Variants in BBS9 observed in about 807,000 individuals in gnomAD.
The protein encoded by BBS9 is protein PTHB1.
In BBS9, 89 loss-of-function variants were observed where a neutral mutation model predicts 117.7. The ratio of observed to expected loss-of-function variants is 0.76; its 90% CI spans 0.64 to 0.90. The LOEUF is 0.90. BBS9 is among the 40% of genes least tolerant of loss of function. The pLI, the probability that BBS9 is intolerant of heterozygous loss-of-function variation, is 0.00. For synonymous variants in BBS9, 379 were observed against 370.9 expected (o/e 1.02, Z -0.25); for missense variants, 982 against 1,042.2 (o/e 0.94, Z 0.80).
At chr7:33,593,424 G>T (rs528105277) in intron 21 of BBS9, among the ~76,000 whole-genome samples, 3 of 152,050 alleles carry the variant, frequency 2.0e-5, no homozygotes, top group Admixed American at 6.6e-5. Flanking sequence ...TTTTGTTTTG[G>T]TTTTTTAGGT....
intron 4 of BBS9, among the ~76,000 whole-genome samples, chr7:33,173,152 T>C (rs973223740): frequency 3.9e-5 from 6 of 152,234 alleles, no homozygotes; most frequent in Non-Finnish European, 4.4e-5. Context: ...GCATCCTCTA[T>C]GCCTGGACTC....
intron 19 of BBS9, among the ~76,000 whole-genome samples, chr7:33,399,854 A>T (rs1193973605): frequency 6.6e-6 from 1 of 152,148 alleles, no homozygotes; most frequent in Non-Finnish European, 1.5e-5. Context: ...GGTTCCCTGG[A>T]TTTAGGTATG....
intron 21 of BBS9, among the ~76,000 whole-genome samples, chr7:33,553,763 CAG>C (rs1241491980): frequency 6.6e-6 from 1 of 152,026 alleles, no homozygotes; most frequent in African/African-American, 2.4e-5. Flanking sequence ...AAAAGTTTAA[CAG>C]ATTTTTTTAA....
At chr7:33,182,086 CAAACA>C (rs147523817) in intron 5 of BBS9, among the ~76,000 whole-genome samples, 22,153 of 151,732 alleles carry the variant, frequency 0.15, 1,880 homozygotes, top group South Asian at 0.21. Flanking sequence ...GACTCCGTCT[CAAACA>C]AAACAAAACA....
chr7:33,418,753 G>A (rs538008665), intron 19 of BBS9, among the ~76,000 whole-genome samples: 18 of 152,268 alleles, frequency 1.2e-4, no homozygotes, highest in African/African-American at 3.9e-4. Context: ...CCAGTCTAGC[G>A]TAGTGTTGAG....
intron 5 of BBS9, among the ~76,000 whole-genome samples, chr7:33,181,858 C>G (rs895921623): frequency 2.6e-5 from 4 of 152,126 alleles, no homozygotes; most frequent in Admixed American, 6.6e-5. Context: ...CCGAGGCAGG[C>G]GGATCACGAG....
intron 19 of BBS9, among the ~76,000 whole-genome samples, chr7:33,413,030 GAA>G (rs2128828249): frequency 6.6e-6 from 1 of 152,268 alleles, no homozygotes; most frequent in South Asian, 2.1e-4. Context: ...TCACGACCTA[GAA>G]AAAGAGTCAT....
intron 5 of BBS9, chr7:33,243,016 T>G: frequency 3.9e-6 from 2 of 517,762 alleles, no homozygotes; most frequent in Non-Finnish European, 7.7e-6. Flanking sequence ...CAATAATTCT[T>G]GACGTTCCCA....
intron 19 of BBS9, among the ~76,000 whole-genome samples, chr7:33,402,173 A>G (rs1829024322): frequency 6.6e-6 from 1 of 152,072 alleles, no homozygotes; most frequent in Admixed American, 6.6e-5. Flanking sequence ...ATTTGTTTGT[A>G]TTTGTCTTAT....
At chr7:33,245,428 T>C (rs1430142218) in intron 5 of BBS9, among the ~76,000 whole-genome samples, 1 of 152,180 alleles carries the variant, frequency 6.6e-6, no homozygotes, top group Non-Finnish European at 1.5e-5. Context: ...TACTAAACTC[T>C]GTAATAATTT....
chr7:33,625,340 C>G (rs1378686966), intron 21 of BBS9, among the ~76,000 whole-genome samples: 1 of 152,056 alleles, frequency 6.6e-6, no homozygotes, highest in Non-Finnish European at 1.5e-5. Context: ...GCCCTGAATT[C>G]TACTCATATT....
In BBS9 at chr7:33,204,943, T is replaced by C. The variant is rs568357463; in HGVS notation, c.442+27352T>C. ...GGTTGGTCACAATTCTTTACTTTTA[T>C]ACCCAAAAGGATTTAAGTCTTTAGT... On this transcript the variant is annotated intron_variant, in intron 5 of 22. Coordinates refer to ENST00000242067, the MANE Select transcript of BBS9 (RefSeq NM_198428.3). 1.6e-4 allele frequency among the ~76,000 whole-genome samples: 24 copies of C among 152,330 alleles called. No individual in the cohort carries two copies. The South Asian group carries it at 1.7e-3, about 11-fold the overall frequency.
intron 4 of BBS9, among the ~76,000 whole-genome samples, chr7:33,163,421 G>T (rs1184548488): frequency 6.6e-6 from 1 of 152,130 alleles, no homozygotes; most frequent in African/African-American, 2.4e-5. Flanking sequence ...CCTCCTCTTT[G>T]TACCTCTGGT....
chr7:33,531,468 C>T (rs1278203317), intron 20 of BBS9, among the ~76,000 whole-genome samples: 5 of 152,064 alleles, frequency 3.3e-5, no homozygotes, highest in Admixed American at 3.3e-4. Flanking sequence ...AGCCGCAGCC[C>T]AGTGTTTTGG....
chr7:33,415,245 T>C (rs903749648), intron 19 of BBS9, among the ~76,000 whole-genome samples: 2 of 152,158 alleles, frequency 1.3e-5, no homozygotes, highest in African/African-American at 4.8e-5. Flanking sequence ...CAGTATAAAG[T>C]ACTGTGGGTA....
chr7:33,602,487 G>C (rs540763207), intron 21 of BBS9, among the ~76,000 whole-genome samples: 7 of 152,278 alleles, frequency 4.6e-5, no homozygotes, highest in African/African-American at 1.7e-4. Context: ...CCAGCACTTT[G>C]GGAGGCTGAG....
In BBS9 at chr7:33,438,527, C is replaced by G. The variant is rs541675315; in HGVS notation, c.2115+50383C>G. Among the ~76,000 whole-genome samples, 3 of 152,146 alleles carry G rather than the reference C, an allele frequency of 2.0e-5. No individual in the cohort carries two copies. In the South Asian group the frequency reaches 6.2e-4, roughly 32 times the overall value. The stretch of plus-strand genomic sequence containing the variant: ...ATTCTGAAGGAGAAAATGTAAGCTG[C>G]CAAAAGACATTGAAAGATGCTTAAC... On this transcript the variant is annotated intron_variant, in intron 19 of 22. Coordinates refer to ENST00000242067, the MANE Select transcript of BBS9 (RefSeq NM_198428.3).
intron 2 of BBS9, among the ~76,000 whole-genome samples, chr7:33,151,476 G>A (rs1467323291): frequency 6.6e-6 from 1 of 152,120 alleles, no homozygotes; most frequent in South Asian, 2.1e-4. Context: ...ACAGGAATGG[G>A]CATGGCTCCA....
intron 19 of BBS9, among the ~76,000 whole-genome samples, chr7:33,456,520 TC>T (rs1838673849): frequency 6.6e-6 from 1 of 152,158 alleles, no homozygotes; most frequent in Non-Finnish European, 1.5e-5. Flanking sequence ...TAGAAAACTC[TC>T]TTTTGCTTTG....
Sources: gnomAD v4.1 joint callset for allele counts (sites outside exome capture counted in the v4.1 genomes callset) on GRCh38, gnomAD v4.1.1 for gene constraint, MANE v1.5 for transcripts, NCBI Gene and HGNC (gene_info 2026-07-23, HGNC 2026-07-21) for gene names.